The following NEBL variants were observed in gnomAD, a reference collection of about 807,000 sequenced individuals.
The protein encoded by NEBL is LIM and SH3 protein 2.
NEBL carries 122 observed loss-of-function variants against 140.2 expected under a neutral mutation model. That is an observed-to-expected ratio of 0.87 (90% confidence interval 0.75 to 1.01). The LOEUF (loss-of-function observed/expected upper bound fraction) is 1.01, where lower values mean the gene tolerates loss of function less well. Ranked by LOEUF, NEBL falls within the 50% of genes least tolerant of loss-of-function variation. NEBL has a pLI of 0.00. For missense variants in NEBL, 1,365 were observed against 1,231.3 expected, an observed-to-expected ratio of 1.11 and a Z score of -1.62; for synonymous variants, 436 against 398.9, an observed-to-expected ratio of 1.09 and a Z score of -1.11.
At chr10:20,919,206 T>C (rs183664186) in intron 4 of NEBL, among the ~76,000 whole-genome samples, 124 of 152,328 alleles carry the variant, frequency 8.1e-4, no homozygotes, top group African/African-American at 2.8e-3. Flanking sequence ...TAGTCTCTCA[T>C]GATTTCCGAG....
intron 2 of NEBL, among the ~76,000 whole-genome samples, chr10:21,041,129 G>T (rs1834250417): frequency 6.6e-6 from 1 of 152,122 alleles, no homozygotes; most frequent in Non-Finnish European, 1.5e-5. Flanking sequence ...ATGTCATGGG[G>T]GTTTGGTGTA....
intron 3 of NEBL, among the ~76,000 whole-genome samples, chr10:21,208,483 T>C (rs899491677): frequency 2.6e-5 from 4 of 152,210 alleles, no homozygotes. Context: ...ACTTGGTTTA[T>C]TTTTGTTTCT....
At chr10:20,944,796 A>G (rs1835075875) in intron 4 of NEBL, among the ~76,000 whole-genome samples, 1 of 152,218 alleles carries the variant, frequency 6.6e-6, no homozygotes, top group African/African-American at 2.4e-5. Context: ...TTGCTTCGAC[A>G]TACAGAGATA....
intron 3 of NEBL, among the ~76,000 whole-genome samples, chr10:21,215,955 G>A (rs1285669138): frequency 1.3e-5 from 2 of 152,172 alleles, no homozygotes; most frequent in African/African-American, 2.4e-5. Context: ...ATAGGCGTGA[G>A]CCACCGCACC....
chr10:20,844,796 A>T (rs1331940912), intron 12 of NEBL, among the ~76,000 whole-genome samples: 2 of 152,136 alleles, frequency 1.3e-5, no homozygotes, highest in Non-Finnish European at 2.9e-5. Context: ...TCAAATGTCA[A>T]GAAAGGGAGA....
intron 1 of NEBL, among the ~76,000 whole-genome samples, chr10:21,291,111 A>G (rs1588608185): frequency 6.6e-6 from 1 of 151,944 alleles, no homozygotes; most frequent in African/African-American, 2.4e-5. Context: ...CCTCTAAATA[A>G]TCAGTTTTCA....
At position 20,842,284 on chromosome 10, in the gene NEBL, G is replaced by A. The variant is rs193155048; in HGVS notation, c.1228-1435C>T. ...AAGTCAGACCTCTTTCATTTATTTC[G>A]TGGTGTGACCTTCGGGAGTACTTTT... On this transcript the variant is annotated intron_variant, in intron 12 of 27. Transcript: ENST00000377122. 1.3e-3 allele frequency among the ~76,000 whole-genome samples: 201 copies of A among 152,094 alleles called. 1 individual carries two copies. The highest frequency in any genetic ancestry group is 2.4e-3 in the Non-Finnish European group (163 of 67,986).
intron 2 of NEBL, among the ~76,000 whole-genome samples, chr10:21,058,445 T>C (rs1375470006): frequency 6.6e-6 from 1 of 151,914 alleles, no homozygotes; most frequent in Non-Finnish European, 1.5e-5. Context: ...TTCTTATAAA[T>C]ATAAGGCTTT....
At chr10:20,795,176 T>C (rs79458098) in intron 26 of NEBL, among the ~76,000 whole-genome samples, 2,441 of 152,242 alleles carry the variant, frequency 0.016, 56 homozygotes, top group African/African-American at 0.052. Flanking sequence ...GTAAGAAGAC[T>C]GGATCTGAAG....
At chr10:21,099,711 T>C (rs1837384386) in intron 2 of NEBL, among the ~76,000 whole-genome samples, 1 of 152,136 alleles carries the variant, frequency 6.6e-6, no homozygotes, top group South Asian at 2.1e-4. Flanking sequence ...CATGAAAGGA[T>C]GGAAGGAGGG....
intron 4 of NEBL, among the ~76,000 whole-genome samples, chr10:20,935,492 C>A (rs754382371): frequency 6.6e-6 from 1 of 152,046 alleles, no homozygotes; most frequent in Non-Finnish European, 1.5e-5. Context: ...CGGTAGTGAG[C>A]CTTAAAATAT....
At chr10:20,868,805 C>G in intron 6 of NEBL, 40 bp from the exon 7 acceptor site, 2 of 1,397,448 alleles carry the variant, frequency 1.4e-6, no homozygotes, top group Non-Finnish European at 2.0e-6. Flanking sequence ...TATTTCTACC[C>G]TCCAATGATG....
chr10:21,238,662 G>A (rs1442143622), intron 3 of NEBL, among the ~76,000 whole-genome samples: 2 of 143,318 alleles, frequency 1.4e-5, no homozygotes, highest in African/African-American at 5.2e-5. Flanking sequence ...GTGAGCCCTC[G>A]CGCCATTACA....
chr10:21,030,166 G>A (rs1833718951), intron 2 of NEBL: 4 of 484,998 alleles, frequency 8.2e-6, no homozygotes, highest in Admixed American at 2.8e-5. Context: ...AACAAGATAA[G>A]TTGCAGCATC....
In NEBL at chr10:20,870,851, T is replaced by A. The variant is rs546392454; in HGVS notation, c.481-1010A>T. Among the ~76,000 whole-genome samples the A allele has an allele frequency of 3.5e-4, 54 of 152,326 alleles. No homozygotes were observed. In the South Asian group the frequency reaches 0.011, roughly 32 times the overall value. On this transcript the variant is annotated intron_variant, in intron 5 of 27. Transcript: ENST00000377122. ...AAAAATACATAAACTTTGCCAAATG[T>A]ACTTTAGATCACATTCGTCATTTAG...
upstream of NEBL, among the ~76,000 whole-genome samples, chr10:20,899,095 T>G (rs1847725085): frequency 2.0e-5 from 3 of 152,238 alleles, no homozygotes; most frequent in African/African-American, 7.2e-5. Flanking sequence ...AGGACATTCC[T>G]TGTATATTTT....
At chr10:20,929,432 A>G (rs1487894087) in intron 4 of NEBL, among the ~76,000 whole-genome samples, 1 of 152,178 alleles carries the variant, frequency 6.6e-6, no homozygotes, top group Non-Finnish European at 1.5e-5. Flanking sequence ...CAAAAGTTGA[A>G]AATTGTAACC....
At chr10:20,828,407 A>T in intron 17 of NEBL, 123 bp downstream of exon 17, 1 of 677,072 alleles carries the variant, frequency 1.5e-6, no homozygotes, top group Non-Finnish European at 2.7e-6. Flanking sequence ...AGAAATAAAG[A>T]TAATACACTT....
In NEBL at chr10:21,051,256, T is replaced by G. The variant is rs147597660; in HGVS notation, c.165-31055A>C. 1.2e-3 allele frequency among the ~76,000 whole-genome samples: 182 copies of G among 152,318 alleles called. 1 individual carries two copies. The highest frequency in any genetic ancestry group is 4.3e-3 in the African/African-American group (178 of 41,578). On this transcript the variant is annotated intron_variant, in intron 2 of 6. Transcript: ENST00000417816. ...TCACATTTTTTATTGTAATTCTCAT[T>G]TGTAATCCATGCTTTTATTTTCTGT...
Sources: gnomAD v4.1 joint callset for allele counts (sites outside exome capture counted in the v4.1 genomes callset) on GRCh38, gnomAD v4.1.1 for gene constraint, MANE v1.5 for transcripts, NCBI Gene and HGNC (gene_info 2026-07-23, HGNC 2026-07-21) for gene names.